The following FBXO38 variants were observed in gnomAD, a reference collection of about 807,000 sequenced individuals.
The protein encoded by FBXO38 is F-box only protein 38.
A neutral mutation model predicts 131.9 loss-of-function variants in FBXO38; 53 were observed. That is an observed-to-expected ratio of 0.40 (90% CI 0.32 to 0.51). The LOEUF (loss-of-function observed/expected upper bound fraction) is 0.51. Ranked by LOEUF, FBXO38 falls within the 20% of genes least tolerant of loss-of-function variation. FBXO38 has a pLI of 0.53. For missense variants in FBXO38, 1,076 were observed against 1,475.6 expected (o/e 0.73, Z 4.44); for synonymous variants, 452 against 505.6 (o/e 0.89, Z 1.42).
Position 148,425,567 on chromosome 5 carries a change from T to G in FBXO38, c.1784T>G (p.Val595Gly), listed in dbSNP as rs1437368668. Residue 595 changes from valine to glycine, a missense_variant, in exon 14 of 22, where the codon GTT becomes GGT. Val to Gly is a moderately radical substitution (Grantham distance 109, BLOSUM62 -3). Coordinates refer to ENST00000340253, the MANE Select transcript of FBXO38 (RefSeq NM_205836.3). ...GTAGTAAAACCAACCTCAATTACTGTTCATGATTCAGAGAGTGATGATGAA... is the reference window on the plus strand; with the variant it reads ...GTAGTAAAACCAACCTCAATTACTGGTCATGATTCAGAGAGTGATGATGAA... The part of the protein sequence containing the change: ...QRVVKPTSIT[V>G]HDSESDDEED... 6.2e-7 allele frequency: 1 copy of G among 1,613,782 alleles called. No homozygotes were observed. Among genetic ancestry groups the G allele is most frequent in the Non-Finnish European group, 8.5e-7 (1 of 1,179,722 alleles).
At chr5:148,391,772 A>G (rs1022098715) in intron 1 of FBXO38, among the ~76,000 whole-genome samples, 1 of 152,190 alleles carries the variant, frequency 6.6e-6, no homozygotes, top group Non-Finnish European at 1.5e-5. Context: ...GAAAATTTCA[A>G]ATGATGGAGA....
intron 2 of FBXO38, among the ~76,000 whole-genome samples, chr5:148,396,368 T>C (rs991489822): frequency 1.3e-5 from 2 of 152,134 alleles, no homozygotes; most frequent in African/African-American, 4.8e-5. Flanking sequence ...TCCATTCAAA[T>C]ACATGTGGAG....
At chr5:148,438,641 T>C (rs886756326) in intron 18 of FBXO38, 143 bp downstream of exon 18, 8 of 812,064 alleles carry the variant, frequency 9.9e-6, no homozygotes, top group African/African-American at 8.7e-5. Context: ...TTACAGGTTA[T>C]GTATGATATA....
intron 1 of FBXO38, among the ~76,000 whole-genome samples, chr5:148,389,316 G>GA (rs35370952): frequency 6.6e-6 from 1 of 152,184 alleles, no homozygotes; most frequent in Non-Finnish European, 1.5e-5. Context: ...TGTGCTGCTG[G>GA]AAAAAGGGCA....
rs571498201 is a variant in FBXO38, at chr5:148,389,541, A to G, written c.-63-5173A>G. Among the ~76,000 whole-genome samples, 29 of 151,992 alleles carry G rather than the reference A, an allele frequency of 1.9e-4. 1 individual carries two copies. The highest frequency in any genetic ancestry group is 4.1e-4 in the Non-Finnish European group (28 of 68,004). ...TCCTTTACTCTTTCTTTTTTAACCT[A>G]CTACTGCTTTGTACGTTCTCTGCAT... On this transcript the variant is annotated intron_variant, in intron 1 of 21. Transcript: ENST00000340253.
chr5:148,409,579 T>G (rs1205109188), intron 8 of FBXO38, among the ~76,000 whole-genome samples: 1 of 152,218 alleles, frequency 6.6e-6, no homozygotes, highest in Non-Finnish European at 1.5e-5. Flanking sequence ...TTTTCTGAAT[T>G]GTTCTAGTTA....
chr5:148,429,865 A>G (rs969477384), intron 15 of FBXO38, among the ~76,000 whole-genome samples: 1 of 152,050 alleles, frequency 6.6e-6, no homozygotes. Context: ...CTTAAGTTAA[A>G]TCATTCTCTG....
chr5:148,417,117 A>G lies in FBXO38; in HGVS notation c.1531A>G (p.Asn511Asp), dbSNP rs746674990. The stretch of plus-strand genomic sequence containing the variant: ...GAATAACAATGCCAACATCCACGAC[A>G]ACAATCACCATCATCCAGATGACTC... Reference protein sequence around the residue: ...AQNNNANIHDNNHHHPDDSDE... With the variant: ...AQNNNANIHDDNHHHPDDSDE... The change falls in exon 12 of 22, where the codon AAC becomes GAC. Residue 511 changes from asparagine to aspartate, a missense_variant. Physicochemically the swap from Asn to Asp is conservative, Grantham distance 23. Transcript: ENST00000340253. The G allele has an allele frequency of 2.5e-6, 4 of 1,613,804 alleles. No homozygotes were observed. In the Admixed American group the frequency reaches 5.0e-5, roughly 20 times the overall value.
chr5:148,438,460 G>A lies in FBXO38; in HGVS notation c.2986G>A (p.Glu996Lys), dbSNP rs1399618526. 15 of 1,613,810 alleles carry A rather than the reference G, an allele frequency of 9.3e-6. No homozygotes were observed. Among genetic ancestry groups the A allele is most frequent in the South Asian group, 2.2e-5 (2 of 91,062 alleles). ...VLDQILRMPP[E>K]RNRIIYLRPM... ...AGACCAGATACTAAGAATGCCACCC[G>A]AGAGAAACCGCATCATATACCTACG... Residue 996 changes from glutamate to lysine, a missense_variant, in exon 18 of 22, where the codon GAG (glutamate) becomes AAG (lysine). Around this residue, in one of 8 missense-constraint regions of FBXO38, gnomAD observed 282 missense variants for 418.8 expected, o/e 0.67. Coordinates refer to ENST00000340253, the MANE Select transcript of FBXO38 (RefSeq NM_205836.3).
chr5:148,417,253 TA>T, intron 12 of FBXO38, 49 bp downstream of exon 12: 3 of 1,295,602 alleles, frequency 2.3e-6, no homozygotes, highest in Non-Finnish European at 3.3e-6. Flanking sequence ...TTTCACTTTG[TA>T]TTGTATTTCT....
Position 148,427,891 on chromosome 5 carries a change from G to C in FBXO38, c.2597G>C (p.Arg866Thr). 1 of 1,550,976 alleles carries C rather than the reference G, an allele frequency of 6.4e-7. No individual in the cohort carries two copies. Among genetic ancestry groups the C allele is most frequent in the South Asian group, 1.3e-5 (1 of 78,982 alleles). The change falls in exon 15 of 22, where the codon AGG (arginine) becomes ACG (threonine). Residue 866 changes from arginine (R) to threonine (T), a missense_variant. By Grantham distance (71) the Arg-to-Thr change is moderately conservative (BLOSUM62 -1). This residue lies in a region of FBXO38 where 282 missense variants were observed against 418.8 expected (regional missense o/e 0.67). Coordinates refer to ENST00000340253, the MANE Select transcript of FBXO38 (RefSeq NM_205836.3). ...CAGTCTAATGAAGACTACCCTCGGA[G>C]GCCCCTAACCAGGGCCAGGAGCAGA... The part of the protein sequence containing the change: ...DVQSNEDYPR[R>T]PLTRARSRLS...
At chr5:148,406,121 G>C (rs770595798) in intron 6 of FBXO38, 136 bp from the exon 7 acceptor site, 95 of 767,610 alleles carry the variant, frequency 1.2e-4, no homozygotes, top group Non-Finnish European at 1.7e-4. Context: ...TTTGTAACAA[G>C]AACCTGATTT....
chr5:148,384,072 G>A, intron 1 of FBXO38, 33 bp downstream of exon 1: 1 of 153,370 alleles, frequency 6.5e-6, no homozygotes, highest in Non-Finnish European at 1.5e-5. Context: ...CTGGGGACCG[G>A]GAGCGGGGTG....
intron 1 of FBXO38, among the ~76,000 whole-genome samples, chr5:148,389,367 A>G (rs1031084380): frequency 1.3e-5 from 2 of 152,244 alleles, no homozygotes. Context: ...CAGACCTTCA[A>G]TTTGTGAAAG....
chr5:148,419,057 A>C (rs969961022), intron 12 of FBXO38, among the ~76,000 whole-genome samples: 16 of 152,258 alleles, frequency 1.1e-4, no homozygotes, highest in Admixed American at 2.6e-4. Flanking sequence ...GGAAGGATTC[A>C]GCTTCAGCAG....
At chr5:148,389,528 T>C (rs1758086809) in intron 1 of FBXO38, among the ~76,000 whole-genome samples, 1 of 152,224 alleles carries the variant, frequency 6.6e-6, no homozygotes, top group Non-Finnish European at 1.5e-5. Flanking sequence ...CTTTACTCTT[T>C]CTTTTTTAAC....
chr5:148,420,245 C>G (rs1444232179), intron 12 of FBXO38, among the ~76,000 whole-genome samples: 2 of 151,752 alleles, frequency 1.3e-5, no homozygotes, highest in African/African-American at 2.4e-5. Flanking sequence ...ACCTCAGCCT[C>G]CCGAGTAGCT....
Position 148,426,810 on chromosome 5 carries a change from G to A in FBXO38, c.1919-403G>A, listed in dbSNP as rs151258923. 2.0e-5 allele frequency among the ~76,000 whole-genome samples: 3 copies of A among 152,274 alleles called. No homozygotes were observed. In the East Asian group the frequency reaches 5.8e-4, roughly 29 times the overall value. On this transcript the variant is annotated intron_variant, in intron 14 of 21. Coordinates refer to ENST00000340253, the MANE Select transcript of FBXO38 (RefSeq NM_205836.3). ...CAGGGCATATACTACAACTACAGTT[G>A]CTTTGGGGTGGGGGTGCAGAAGAGA...
At chr5:148,399,323 A>G in intron 3 of FBXO38, 191 bp downstream of exon 3, 1 of 597,422 alleles carries the variant, frequency 1.7e-6, no homozygotes, top group Non-Finnish European at 2.9e-6. Context: ...TTATTGTTTT[A>G]ATAGTCTGCT....
Sources: allele counts gnomAD v4.1 joint callset (sites outside exome capture counted in the v4.1 genomes callset), GRCh38; gene constraint gnomAD v4.1.1; regional missense constraint gnomAD v4.1.1; transcripts MANE v1.5; gene names NCBI Gene and HGNC (gene_info 2026-07-23, HGNC 2026-07-21).